Variants in ARHGEF10L observed in about 807,000 individuals in gnomAD.
ARHGEF10L encodes rho guanine nucleotide exchange factor 10-like protein.
In ARHGEF10L, 69 loss-of-function variants were observed where a neutral mutation model predicts 141.2. That is an observed-to-expected ratio of 0.49 (90% CI 0.40 to 0.60). ARHGEF10L has a LOEUF of 0.60. Ranked by LOEUF, ARHGEF10L falls within the 20% of genes least tolerant of loss-of-function variation. The pLI, the probability that ARHGEF10L is intolerant of heterozygous loss-of-function variation, is 0.00. For synonymous variants in ARHGEF10L, 711 were observed against 718.5 expected (o/e 0.99, Z 0.17); for missense variants, 1,482 against 1,734.3 (o/e 0.85, Z 2.58).
intron 26 of ARHGEF10L, among the ~76,000 whole-genome samples, chr1:17,664,901 C>T (rs1353082672): frequency 1.3e-5 from 2 of 152,162 alleles, no homozygotes; most frequent in African/African-American, 4.8e-5. Flanking sequence ...GGACTGGTAC[C>T]CAGGACTTGT....
chr1:17,667,040 G>A (rs1264233633), intron 26 of ARHGEF10L, among the ~76,000 whole-genome samples: 1 of 152,212 alleles, frequency 6.6e-6, no homozygotes, highest in Non-Finnish European at 1.5e-5. Context: ...GCCCCCAAGT[G>A]TCTGAGCACT....
At chr1:17,669,305 C>G (rs994073636) in intron 26 of ARHGEF10L, among the ~76,000 whole-genome samples, 1 of 152,226 alleles carries the variant, frequency 6.6e-6, no homozygotes, top group Non-Finnish European at 1.5e-5. Flanking sequence ...TGTGTTACCT[C>G]TAAGGGGCTT....
chr1:17,648,206 T>C (rs1160892347), intron 21 of ARHGEF10L, among the ~76,000 whole-genome samples: 1 of 152,210 alleles, frequency 6.6e-6, no homozygotes, highest in African/African-American at 2.4e-5. Context: ...CATCTATTAT[T>C]TCATTTGGTC....
rs780715414 is a variant in ARHGEF10L at position 17,627,401 on chromosome 1, G to A, written c.1482G>A (p.Glu494=). The stretch of plus-strand genomic sequence containing the variant: ...TGCAGCTGGCCCTCACAGAGCTGGA[G>A]ACGCTGGCTGAGAAGCTGAACGAGC... ...LSLQLALTEL[E]TLAEKLNEQK... The change falls in exon 15 of 29, where the codon GAG becomes GAA. Residue 494 remains glutamate, a synonymous_variant. Coordinates refer to ENST00000361221, the MANE Select transcript of ARHGEF10L (RefSeq NM_018125.4). The surrounding 1 kb of genome is among the most constrained non-coding windows in gnomAD (Gnocchi z 4.0). 6 of 1,613,968 alleles carry A rather than the reference G, an allele frequency of 3.7e-6. No homozygotes were observed. The highest frequency in any genetic ancestry group is 1.7e-5 in the Admixed American group (1 of 60,010).
chr1:17,577,016 T>A (rs567120983), intron 1 of ARHGEF10L, among the ~76,000 whole-genome samples: 1 of 152,368 alleles, frequency 6.6e-6, no homozygotes. Flanking sequence ...GTATTAGTTC[T>A]CTTTTTAAAG....
intron 27 of ARHGEF10L, among the ~76,000 whole-genome samples, chr1:17,691,602 T>C (rs2065113694): frequency 6.6e-6 from 1 of 152,180 alleles, no homozygotes; most frequent in South Asian, 2.1e-4. Context: ...GACATTAGCG[T>C]CCAGATCCTT....
intron 26 of ARHGEF10L, among the ~76,000 whole-genome samples, chr1:17,672,187 C>A (rs2063364974): frequency 1.1e-5 from 1 of 90,060 alleles, no homozygotes; most frequent in African/African-American, 4.4e-5. Flanking sequence ...ATTTCCCCTG[C>A]CCACCCCCCG....
chr1:17,652,254 G>A (rs1179318792), intron 22 of ARHGEF10L, among the ~76,000 whole-genome samples: 1 of 152,186 alleles, frequency 6.6e-6, no homozygotes, highest in Admixed American at 6.5e-5. Flanking sequence ...GGAGGCAGGA[G>A]TAGGTCTCTT....
the ARHGEF10L span, among the ~76,000 whole-genome samples, chr1:17,524,105 C>T: frequency 6.6e-6 from 1 of 152,012 alleles, no homozygotes; most frequent in Admixed American, 6.6e-5. Flanking sequence ...GAAACCTCAT[C>T]TCTACTAAAA....
At chr1:17,688,099 A>G in intron 27 of ARHGEF10L, among the ~76,000 whole-genome samples, 1 of 152,174 alleles carries the variant, frequency 6.6e-6, no homozygotes, top group Non-Finnish European at 1.5e-5. Flanking sequence ...TTGACCAAAC[A>G]CCCAATTCTG....
upstream of ARHGEF10L, among the ~76,000 whole-genome samples, chr1:17,535,663 T>C (rs1393214087): frequency 6.6e-6 from 1 of 152,178 alleles, no homozygotes. Context: ...ATGTAATGTA[T>C]CATTGATGAT....
intron 7 of ARHGEF10L, among the ~76,000 whole-genome samples, chr1:17,611,094 G>A (rs1293680930): frequency 2.0e-5 from 3 of 152,156 alleles, no homozygotes; most frequent in African/African-American, 7.2e-5. Context: ...GCCAGCCCTG[G>A]CCCAGCCTGG....
chr1:17,683,118 G>A (rs935781343), intron 26 of ARHGEF10L, among the ~76,000 whole-genome samples: 3 of 150,356 alleles, frequency 2.0e-5, no homozygotes, highest in Non-Finnish European at 3.0e-5. Flanking sequence ...CTCTCACCGG[G>A]GTGCTCACTG....
At position 17,613,160 on chromosome 1, in the gene ARHGEF10L, A is replaced by C. The variant is rs1557823390; in HGVS notation, c.712A>C (p.Lys238Gln). The C allele has an allele frequency of 6.2e-7, 1 of 1,613,398 alleles. No individual in the cohort carries two copies. Among genetic ancestry groups the C allele is most frequent in the East Asian group, 2.2e-5 (1 of 44,874 alleles). ...GAGAGACATGCAGGAGCTGAAGCAC[A>C]AGTACGATTGTAAGGTATTGTCTGT... is the stretch of plus-strand genomic sequence containing the variant. ...GGRDMQELKH[K>Q]YDCKMTQLMK... Residue 238 changes from lysine (K) to glutamine (Q), a missense_variant, in exon 8 of 29, where the codon AAG becomes CAG. By Grantham distance (53) the Lys-to-Gln change is moderately conservative. Around this residue, in one of 3 missense-constraint regions of ARHGEF10L, gnomAD observed 392 missense variants for 542.1 expected, o/e 0.72. Coordinates refer to ENST00000361221, the MANE Select transcript of ARHGEF10L (RefSeq NM_018125.4).
chr1:17,595,617 A>G (rs958759662), intron 4 of ARHGEF10L, among the ~76,000 whole-genome samples: 7 of 152,122 alleles, frequency 4.6e-5, no homozygotes, highest in Non-Finnish European at 1.0e-4. Flanking sequence ...GTGGGGTGGC[A>G]CAGGAGAGAC....
chr1:17,632,989 C>G (rs976365593), intron 16 of ARHGEF10L, among the ~76,000 whole-genome samples: 1 of 152,198 alleles, frequency 6.6e-6, no homozygotes, highest in Non-Finnish European at 1.5e-5. Flanking sequence ...GAGCCGGAGC[C>G]CTGGTGTGGG....
chr1:17,553,695 G>A (rs927775319), intron 1 of ARHGEF10L, among the ~76,000 whole-genome samples: 3 of 152,124 alleles, frequency 2.0e-5, no homozygotes, highest in Admixed American at 1.3e-4. Flanking sequence ...AGGCTGAGGC[G>A]GAAAGATGGC....
intron 1 of ARHGEF10L, among the ~76,000 whole-genome samples, chr1:17,560,668 A>C (rs1009251428): frequency 2.6e-5 from 4 of 152,188 alleles, no homozygotes; most frequent in Non-Finnish European, 5.9e-5. Flanking sequence ...TGGGTTCAAT[A>C]GATTTTCCTG....
chr1:17,649,162 C>T (rs540073167), intron 22 of ARHGEF10L, among the ~76,000 whole-genome samples: 2 of 152,278 alleles, frequency 1.3e-5, no homozygotes, highest in African/African-American at 4.8e-5. Flanking sequence ...AAGAACCTTG[C>T]GAGTAGATGT....
Sources: gnomAD v4.1 joint callset for allele counts (sites outside exome capture counted in the v4.1 genomes callset) on GRCh38, gnomAD v4.1.1 for gene constraint, gnomAD v4.1.1 regional missense constraint, Gnocchi (gnomAD v3.1) non-coding constraint, MANE v1.5 for transcripts, NCBI Gene and HGNC (gene_info 2026-07-23, HGNC 2026-07-21) for gene names.